PANX1: variants seen among roughly 807,000 people sequenced by gnomAD.
The protein encoded by PANX1 is pannexin 1.
PANX1 carries 30 observed loss-of-function variants against 38.7 expected under a neutral mutation model. That is an observed-to-expected ratio of 0.78 (90% CI 0.58 to 1.05). The LOEUF is 1.05. Among genes scored for constraint, PANX1 ranks in the 50% least tolerant of loss-of-function variants. PANX1 has a pLI of 0.00. For missense variants in PANX1, 551 were observed against 517.2 expected, an observed-to-expected ratio of 1.07 and a Z score of -0.63; for synonymous variants, 230 against 212.2, an observed-to-expected ratio of 1.08 and a Z score of -0.73.
At chr11:94,168,787 A>C (rs1947131080) in intron 2 of PANX1, among the ~76,000 whole-genome samples, 1 of 151,638 alleles carries the variant, frequency 6.6e-6, no homozygotes. Flanking sequence ...GAGTGACAGC[A>C]GTTGAGATCT....
chr11:94,145,526 A>G (rs1722467277), intron 1 of PANX1, among the ~76,000 whole-genome samples: 1 of 152,194 alleles, frequency 6.6e-6, no homozygotes, highest in Non-Finnish European at 1.5e-5. Context: ...TGGTCATTTC[A>G]TGGAACCACA....
chr11:94,148,476 G>C (rs1369580300), intron 1 of PANX1, among the ~76,000 whole-genome samples: 1 of 152,118 alleles, frequency 6.6e-6, no homozygotes, highest in African/African-American at 2.4e-5. Flanking sequence ...AGTGCTTGTT[G>C]GTGTTCTGGG....
At chr11:94,175,786 G>C (rs932240788) in intron 2 of PANX1, 8 of 984,768 alleles carry the variant, frequency 8.1e-6, no homozygotes, top group Non-Finnish European at 9.6e-6. Context: ...GCTAATCACA[G>C]CCTGCTTTGT....
intron 1 of PANX1, among the ~76,000 whole-genome samples, chr11:94,142,265 C>T (rs962966301): frequency 6.6e-5 from 10 of 152,136 alleles, no homozygotes; most frequent in East Asian, 1.9e-4. Flanking sequence ...ACCAACCTCA[C>T]CCTCAGTTCA....
intron 2 of PANX1, among the ~76,000 whole-genome samples, chr11:94,161,626 T>C (rs1050197719): frequency 6.6e-6 from 1 of 151,388 alleles, no homozygotes; most frequent in Non-Finnish European, 1.5e-5. Flanking sequence ...ATTTGTCTAA[T>C]TTTTTTTCAA....
At chr11:94,140,124 C>A (rs1946744625) in intron 1 of PANX1, among the ~76,000 whole-genome samples, 1 of 152,144 alleles carries the variant, frequency 6.6e-6, no homozygotes, top group Non-Finnish European at 1.5e-5. Flanking sequence ...GTGAATATTT[C>A]AGTATGAAGG....
At chr11:94,145,412 G>C (rs1946817048) in intron 1 of PANX1, among the ~76,000 whole-genome samples, 1 of 152,200 alleles carries the variant, frequency 6.6e-6, no homozygotes. Flanking sequence ...CAGAAGCACT[G>C]TTATTTTCGT....
chr11:94,159,981 A>G (rs1947003840), intron 2 of PANX1, among the ~76,000 whole-genome samples: 1 of 151,680 alleles, frequency 6.6e-6, no homozygotes, highest in East Asian at 1.9e-4. Context: ...TCATTTCGTT[A>G]TGTACCCAGT....
At chr11:94,161,708 T>C (rs534871778) in intron 2 of PANX1, among the ~76,000 whole-genome samples, 2 of 152,352 alleles carry the variant, frequency 1.3e-5, no homozygotes, top group Admixed American at 6.5e-5. Flanking sequence ...TCTGATGCCT[T>C]CTTCTCTCAA....
At chr11:94,136,040 C>A (rs1946684769) in intron 1 of PANX1, among the ~76,000 whole-genome samples, 1 of 152,214 alleles carries the variant, frequency 6.6e-6, no homozygotes, top group Admixed American at 6.5e-5. Flanking sequence ...TCTACTCACA[C>A]ATAAAGCTTG....
chr11:94,177,488 A>G (rs1947247388), intron 2 of PANX1, among the ~76,000 whole-genome samples: 1 of 152,104 alleles, frequency 6.6e-6, no homozygotes, highest in African/African-American at 2.4e-5. Context: ...TCACTGTCGC[A>G]GCTACTTAGT....
chr11:94,174,609 TCCTG>T (rs1947209146), intron 2 of PANX1, among the ~76,000 whole-genome samples: 2 of 151,670 alleles, frequency 1.3e-5, no homozygotes, highest in Non-Finnish European at 2.9e-5. Context: ...TTCCCATCTG[TCCTG>T]TGTAATCTTG....
At chr11:94,176,732 G>C (rs1265803333) in intron 2 of PANX1, among the ~76,000 whole-genome samples, 2 of 151,646 alleles carry the variant, frequency 1.3e-5, no homozygotes, top group African/African-American at 4.9e-5. Context: ...CCATCCAAAA[G>C]TAAGGAGAAG....
At chr11:94,160,382 G>A (rs1176917962) in intron 2 of PANX1, among the ~76,000 whole-genome samples, 1 of 152,126 alleles carries the variant, frequency 6.6e-6, no homozygotes, top group Non-Finnish European at 1.5e-5. Context: ...AGGTCTCTAA[G>A]GACTGGCTTT....
intron 2 of PANX1, among the ~76,000 whole-genome samples, chr11:94,166,147 T>C (rs1947099652): frequency 6.6e-6 from 1 of 152,220 alleles, no homozygotes; most frequent in African/African-American, 2.4e-5. Flanking sequence ...TTATTTTTGA[T>C]ACGTTTACCT....
chr11:94,129,489 G>T lies in PANX1; in HGVS notation c.177G>T (p.Ser59=). 6.2e-7 allele frequency: 1 copy of T among 1,608,446 alleles called. No individual in the cohort carries two copies. Among genetic ancestry groups the T allele is most frequent in the Non-Finnish European group, 8.5e-7 (1 of 1,176,546 alleles). ...CGCTGGCCTTCGCGCAGGAGATCTC[G>T]ATTGGTAAGCCTCGCCCAGGACGGA... The part of the protein sequence containing the change: ...LISLAFAQEI[S]IGTQISCFSP... Residue 59 remains serine (S), a synonymous_variant, in exon 1 of 5, where the codon TCG becomes TCT. Transcript: ENST00000227638.
At chr11:94,148,031 A>G (rs1946847177) in intron 1 of PANX1, among the ~76,000 whole-genome samples, 1 of 152,186 alleles carries the variant, frequency 6.6e-6, no homozygotes, top group Non-Finnish European at 1.5e-5. Context: ...GTGGGAAAGA[A>G]AGACCTGGTG....
chr11:94,142,462 CTGTG>C (rs961885325), intron 1 of PANX1, among the ~76,000 whole-genome samples: 103 of 152,282 alleles, frequency 6.8e-4, no homozygotes, highest in African/African-American at 2.4e-3. Flanking sequence ...CCCAGCTTGA[CTGTG>C]TGCTCCAGAC....
intron 2 of PANX1, among the ~76,000 whole-genome samples, chr11:94,174,788 A>G (rs1947212592): frequency 6.6e-6 from 1 of 151,696 alleles, no homozygotes; most frequent in African/African-American, 2.4e-5. Context: ...TCCGAATTGG[A>G]TGGTTCTTTG....
Sources: allele counts gnomAD v4.1 joint callset (sites outside exome capture counted in the v4.1 genomes callset), GRCh38; gene constraint gnomAD v4.1.1; transcripts MANE v1.5; gene names NCBI Gene and HGNC (gene_info 2026-07-23, HGNC 2026-07-21).